PITPNC1: variants seen among roughly 807,000 people sequenced by gnomAD.
PITPNC1 encodes cytoplasmic phosphatidylinositol transfer protein 1.
In PITPNC1, 18 loss-of-function variants were observed where a neutral mutation model predicts 44.7. The observed-to-expected ratio is 0.40, with a 90% CI of 0.28 to 0.60. PITPNC1 has a LOEUF of 0.60. Among genes scored for constraint, PITPNC1 ranks in the 20% least tolerant of loss-of-function variants. The probability of loss-of-function intolerance (pLI) is 0.39; values close to 1 mark genes in which losing one functional copy is unlikely to be tolerated. For synonymous variants in PITPNC1, 141 were observed against 149.6 expected (o/e 0.94, Z 0.42); for missense variants, 290 against 418.4 (o/e 0.69, Z 2.68).
At chr17:67,584,138 C>T (rs2041278611) in intron 5 of PITPNC1, among the ~76,000 whole-genome samples, 1 of 152,050 alleles carries the variant, frequency 6.6e-6, no homozygotes, top group African/African-American at 2.4e-5. Context: ...AAAACCAACA[C>T]TTAGGAAAAC....
intron 1 of PITPNC1, among the ~76,000 whole-genome samples, chr17:67,407,782 G>A (rs1278589534): frequency 4.0e-5 from 6 of 150,690 alleles, no homozygotes; most frequent in Admixed American, 1.3e-4. Context: ...CAACAAGAGC[G>A]AAACTCTGTC....
chr17:67,688,917 C>T (rs1277666171), intron 8 of PITPNC1, among the ~76,000 whole-genome samples: 1 of 152,154 alleles, frequency 6.6e-6, no homozygotes, highest in Non-Finnish European at 1.5e-5. Flanking sequence ...TAATTAAAGT[C>T]CATGGCTGGG....
chr17:67,393,714 G>A lies in PITPNC1; in HGVS notation c.48+15512G>A, dbSNP rs1273250088. Among the ~76,000 whole-genome samples the A allele has an allele frequency of 5.3e-5, 8 of 152,274 alleles. No individual in the cohort carries two copies. The South Asian group carries it at 1.7e-3, about 32-fold the overall frequency. On this transcript the variant is annotated intron_variant, in intron 1 of 8. Coordinates refer to ENST00000581322, the MANE Select transcript of PITPNC1 (RefSeq NM_012417.4). The stretch of plus-strand genomic sequence containing the variant: ...TTTAGAAGCATTTCAAAGAAGCAGG[G>A]TTGGCACTGACCAGTGTTCTCTTAA...
intron 1 of PITPNC1, among the ~76,000 whole-genome samples, chr17:67,396,683 T>C (rs1462273129): frequency 6.6e-6 from 1 of 151,826 alleles, no homozygotes; most frequent in Non-Finnish European, 1.5e-5. Flanking sequence ...TTTTTATTTT[T>C]TGAGATGGGG....
chr17:67,379,564 G>C (rs2037926456), intron 1 of PITPNC1, among the ~76,000 whole-genome samples: 1 of 149,970 alleles, frequency 6.7e-6, no homozygotes, highest in South Asian at 2.1e-4. Context: ...GGTCTGGAAG[G>C]GTGGATGCCA....
intron 1 of PITPNC1, among the ~76,000 whole-genome samples, chr17:67,423,693 T>C (rs1272736111): frequency 2.6e-5 from 4 of 152,026 alleles, no homozygotes; most frequent in Non-Finnish European, 4.4e-5. Context: ...TGGGTTTCCA[T>C]CCTATAGTTC....
chr17:67,426,201 G>C (rs1324627288), intron 1 of PITPNC1, among the ~76,000 whole-genome samples: 2 of 152,166 alleles, frequency 1.3e-5, no homozygotes, highest in Non-Finnish European at 2.9e-5. Context: ...ACAGTATGGG[G>C]ATTCCTCAAG....
chr17:67,689,920 A>G (rs1350298975), intron 8 of PITPNC1, among the ~76,000 whole-genome samples: 1 of 152,208 alleles, frequency 6.6e-6, no homozygotes, highest in Non-Finnish European at 1.5e-5. Flanking sequence ...ATATAACCTT[A>G]ATCTCACTTC....
intron 2 of PITPNC1, among the ~76,000 whole-genome samples, chr17:67,539,679 A>T (rs2040578004): frequency 6.6e-6 from 1 of 152,150 alleles, no homozygotes; most frequent in Admixed American, 6.5e-5. Context: ...TCTACTAAAA[A>T]TATTAAAAAT....
At chr17:67,536,667 A>G (rs2040535429) in intron 2 of PITPNC1, among the ~76,000 whole-genome samples, 1 of 152,238 alleles carries the variant, frequency 6.6e-6, no homozygotes. Flanking sequence ...AGAAGCCTAC[A>G]AAAAGCATGA....
chr17:67,692,031 A>C lies in PITPNC1; in HGVS notation c.683-541A>C, dbSNP rs541223404. Among the ~76,000 whole-genome samples the C allele has an allele frequency of 2.6e-5, 4 of 152,076 alleles. No individual in the cohort carries two copies. In the East Asian group the frequency reaches 7.7e-4, roughly 29 times the overall value. On this transcript the variant is annotated intron_variant, in intron 8 of 8. Transcript: ENST00000581322. ...CTCAGAAAGAAAAAAAAAAAAGAAGATAGTATGTTGAAAAATCCTGATGAT... is the reference window on the plus strand; with the variant it reads ...CTCAGAAAGAAAAAAAAAAAAGAAGCTAGTATGTTGAAAAATCCTGATGAT...
intron 1 of PITPNC1, among the ~76,000 whole-genome samples, chr17:67,444,475 C>T (rs1441330209): frequency 6.6e-6 from 1 of 151,992 alleles, no homozygotes; most frequent in African/African-American, 2.4e-5. Context: ...GACAGAGAGG[C>T]AGCCTTTGGG....
chr17:67,657,159 T>TG (rs2042279499), intron 6 of PITPNC1, among the ~76,000 whole-genome samples: 3 of 146,722 alleles, frequency 2.0e-5, no homozygotes, highest in African/African-American at 8.0e-5. Flanking sequence ...CACCCCCGTT[T>TG]TTTTTGTTTT....
chr17:67,431,184 G>A (rs1453025527), intron 1 of PITPNC1, among the ~76,000 whole-genome samples: 6 of 150,324 alleles, frequency 4.0e-5, no homozygotes, highest in South Asian at 4.2e-4. Flanking sequence ...TCAGCCTCCC[G>A]AGTAGCTGGG....
chr17:67,425,508 G>T (rs1249728683), intron 1 of PITPNC1, among the ~76,000 whole-genome samples: 3 of 99,570 alleles, frequency 3.0e-5, no homozygotes, highest in African/African-American at 8.0e-5. Flanking sequence ...TCTCTCATTC[G>T]CTATTTCTTT....
At chr17:67,409,687 C>T (rs1409810690) in intron 1 of PITPNC1, among the ~76,000 whole-genome samples, 4 of 151,748 alleles carry the variant, frequency 2.6e-5, no homozygotes, top group South Asian at 2.1e-4. Flanking sequence ...TACAAGTGCA[C>T]GCCACCACGC....
chr17:67,647,463 G>GTTTTTTTTTTTTTTTT (rs1567757487), intron 6 of PITPNC1, among the ~76,000 whole-genome samples: 10 of 90,598 alleles, frequency 1.1e-4, no homozygotes, highest in African/African-American at 5.0e-4. Context: ...GCTAATTTTG[G>GTTTTTTTTTTTTTTTT]GTTTTTTTTT....
chr17:67,465,456 T>C (rs2039412204), intron 1 of PITPNC1, among the ~76,000 whole-genome samples: 1 of 152,128 alleles, frequency 6.6e-6, no homozygotes, highest in Non-Finnish European at 1.5e-5. Flanking sequence ...CAGACATAAC[T>C]CTTTTTGCCT....
intron 5 of PITPNC1, among the ~76,000 whole-genome samples, chr17:67,615,797 G>A (rs1300143725): frequency 6.6e-6 from 1 of 152,134 alleles, no homozygotes; most frequent in African/African-American, 2.4e-5. Context: ...AGCTTCTGAG[G>A]CTTATTTTAG....
Sources: gnomAD v4.1 joint callset for allele counts (sites outside exome capture counted in the v4.1 genomes callset) on GRCh38, gnomAD v4.1.1 for gene constraint, MANE v1.5 for transcripts, NCBI Gene and HGNC (gene_info 2026-07-23, HGNC 2026-07-21) for gene names.